The following NEMP2 variants were observed in gnomAD, a reference collection of about 807,000 sequenced individuals.
The protein encoded by NEMP2 is nuclear envelope integral membrane protein 2.
A neutral mutation model predicts 54.2 loss-of-function variants in NEMP2; 53 were observed. That is an observed-to-expected ratio of 0.98 (90% CI 0.78 to 1.23). The LOEUF (loss-of-function observed/expected upper bound fraction) is 1.23, where lower values mean the gene tolerates loss of function less well. NEMP2 is among the 50% of genes most tolerant of loss of function. NEMP2 has a pLI of 0.00. For missense variants in NEMP2, 455 were observed against 511.3 expected, an observed-to-expected ratio of 0.89 and a Z score of 1.06; for synonymous variants, 197 against 190.3, an observed-to-expected ratio of 1.04 and a Z score of -0.29.
chr2:190,514,315 AC>A lies in NEMP2; in HGVS notation c.953+137del, dbSNP rs1289735564. 2 of 832,950 alleles carry A rather than the reference AC, an allele frequency of 2.4e-6. No homozygotes were observed. The highest frequency in any genetic ancestry group is 3.4e-5 in the African/African-American group (2 of 58,850). The allele number at this position is 832,950 out of a possible 1,614,324, so 51.6% of individuals were successfully genotyped here. On this transcript the variant is annotated intron_variant, in intron 7 of 8. Transcript: ENST00000409150. This position sits in a 1 kb window ranked among gnomAD's most constrained non-coding sequence, Gnocchi z 5.7. ...GATGCTTGGAGCTCTCTACCCCTAC[AC>A]CCCCAATCTTGCTCAGAATGAAATC... is the stretch of plus-strand genomic sequence containing the variant.
the NEMP2 span, among the ~76,000 whole-genome samples, chr2:190,590,971 G>A: frequency 1.3e-5 from 2 of 152,154 alleles, no homozygotes; most frequent in Non-Finnish European, 2.9e-5. This position sits in a 1 kb window ranked among gnomAD's most constrained non-coding sequence, Gnocchi z 5.1. Context: ...GCACACAGCT[G>A]TACAGAATGA....
At chr2:190,648,224 C>G in the NEMP2 span, 1 of 152,256 alleles carries the variant, frequency 6.6e-6, no homozygotes, top group African/African-American at 2.4e-5. Context: ...AATTACCCGG[C>G]CAGCGCGACA....
chr2:190,491,840 A>AG, the NEMP2 span, among the ~76,000 whole-genome samples: 1 of 152,236 alleles, frequency 6.6e-6, no homozygotes, highest in Non-Finnish European at 1.5e-5. The surrounding 1 kb of genome is among the most constrained non-coding windows in gnomAD (Gnocchi z 4.2). Flanking sequence ...AGAATTCAGA[A>AG]GGTCCATTAT....
chr2:190,514,401 A>C lies in NEMP2; in HGVS notation c.953+52T>G, dbSNP rs2125312658. ...GTGTGCAAACACTCTCCCAAATAAT[A>C]AAACTAGAGCTCAAAATGTCAAATT... On this transcript the variant is annotated intron_variant, in intron 7 of 8. Coordinates refer to ENST00000409150, the MANE Select transcript of NEMP2 (RefSeq NM_001142645.2). This position sits in a 1 kb window ranked among gnomAD's most constrained non-coding sequence, Gnocchi z 5.7. The C allele has an allele frequency of 1.4e-6, 2 of 1,441,722 alleles. No homozygotes were observed. The highest frequency in any genetic ancestry group is 2.5e-5 in the South Asian group (2 of 81,036). The allele number at this position is 1,441,722 out of a possible 1,614,324, so 89.3% of individuals were successfully genotyped here. A position where few individuals can be genotyped will look rare whatever the true frequency, so the allele number is the denominator to read the frequency against.
the NEMP2 span, among the ~76,000 whole-genome samples, chr2:190,473,158 C>T: frequency 4.6e-5 from 7 of 152,144 alleles, no homozygotes; most frequent in Non-Finnish European, 8.8e-5. Flanking sequence ...ACCATCGAGG[C>T]TAGGAAGAAA....
chr2:190,631,498 T>C, the NEMP2 span, among the ~76,000 whole-genome samples: 1 of 152,238 alleles, frequency 6.6e-6, no homozygotes, highest in African/African-American at 2.4e-5. Context: ...ACTTTTATTT[T>C]GAATATGTAC....
the NEMP2 span, chr2:190,436,791 C>G: frequency 1.7e-5 from 27 of 1,614,062 alleles, no homozygotes; most frequent in Non-Finnish European, 2.3e-5. The surrounding 1 kb of genome is among the most constrained non-coding windows in gnomAD (Gnocchi z 5.3). Context: ...CCCCAGGAAG[C>G]GTAACCAAGG....
At chr2:190,556,998 A>C in the NEMP2 span, among the ~76,000 whole-genome samples, 2 of 152,240 alleles carry the variant, frequency 1.3e-5, no homozygotes, top group Non-Finnish European at 2.9e-5. Flanking sequence ...ATGGAACCAC[A>C]AAAGAGCCCA....
the NEMP2 span, among the ~76,000 whole-genome samples, chr2:190,433,936 A>AC: frequency 6.6e-6 from 1 of 152,196 alleles, no homozygotes; most frequent in Non-Finnish European, 1.5e-5. This position sits in a 1 kb window ranked among gnomAD's most constrained non-coding sequence, Gnocchi z 4.5. Context: ...CACGCCTGTA[A>AC]TCCCAGCACT....
chr2:190,585,423 T>C, the NEMP2 span, among the ~76,000 whole-genome samples: 1 of 152,196 alleles, frequency 6.6e-6, no homozygotes, highest in South Asian at 2.1e-4. The surrounding 1 kb of genome is among the most constrained non-coding windows in gnomAD (Gnocchi z 5.3). Context: ...TCTATGCAGA[T>C]AAGAAACAGC....
chr2:190,603,180 AG>A, the NEMP2 span, among the ~76,000 whole-genome samples: 1 of 152,102 alleles, frequency 6.6e-6, no homozygotes, highest in South Asian at 2.1e-4. Context: ...TTTTACACCA[AG>A]GGGTATGGAA....
At chr2:190,477,664 A>G in the NEMP2 span, among the ~76,000 whole-genome samples, 26 of 152,360 alleles carry the variant, frequency 1.7e-4, no homozygotes, top group East Asian at 4.2e-3. Context: ...ATGTAATAAA[A>G]TATATACATA....
chr2:190,551,710 C>T, the NEMP2 span, among the ~76,000 whole-genome samples: 1,740 of 152,226 alleles, frequency 0.011, 38 homozygotes, highest in African/African-American at 0.038. Context: ...GATTTCGCCT[C>T]AATACTTTTC....
the NEMP2 span, among the ~76,000 whole-genome samples, chr2:190,640,150 A>C: frequency 1.3e-5 from 2 of 152,190 alleles, no homozygotes; most frequent in African/African-American, 4.8e-5. Flanking sequence ...TATTAATTGA[A>C]TATATTCCAT....
At chr2:190,476,156 G>A in the NEMP2 span, among the ~76,000 whole-genome samples, 4 of 151,242 alleles carry the variant, frequency 2.6e-5, no homozygotes, top group African/African-American at 4.9e-5. Context: ...GCATGGGCAA[G>A]GACTTCATGT....
At position 190,534,682 on chromosome 2, in the gene NEMP2, C is replaced by T; in HGVS notation, c.-27G>A. The T allele has an allele frequency of 8.0e-7, 1 of 1,254,752 alleles. No homozygotes were observed. Among genetic ancestry groups the T allele is most frequent in the East Asian group, 3.2e-5 (1 of 31,684 alleles). The allele number at this position is 1,254,752 out of a possible 1,614,324, so 77.7% of individuals were successfully genotyped here. On this transcript the variant is annotated 5_prime_UTR_variant, in exon 1 of 9. Transcript: ENST00000409150. Reference sequence around the variant, plus strand: ...TCGTTAGGGGTCAGCTCCGTGCGACCCGAGCCCTAGGGGACCGGCTCCGCT... The same window carrying T: ...TCGTTAGGGGTCAGCTCCGTGCGACTCGAGCCCTAGGGGACCGGCTCCGCT...
chr2:190,429,503 T>G, the NEMP2 span, among the ~76,000 whole-genome samples: 3 of 152,076 alleles, frequency 2.0e-5, no homozygotes, highest in Non-Finnish European at 2.9e-5. Context: ...TTTTTGTATT[T>G]TTTTAGTAAA....
the NEMP2 span, chr2:190,444,865 A>G: frequency 1.3e-4 from 109 of 823,260 alleles, no homozygotes; most frequent in Non-Finnish European, 1.5e-4. Context: ...AATTCCAATT[A>G]TTTTATACAA....
the NEMP2 span, among the ~76,000 whole-genome samples, chr2:190,573,809 G>A: frequency 6.6e-6 from 1 of 152,158 alleles, no homozygotes; most frequent in South Asian, 2.1e-4. Context: ...TATTAGGTTG[G>A]TGCAAAAGTA....
Sources: gnomAD v4.1 joint callset for allele counts (sites outside exome capture counted in the v4.1 genomes callset) on GRCh38, gnomAD v4.1.1 for gene constraint, Gnocchi (gnomAD v3.1) non-coding constraint, MANE v1.5 for transcripts, NCBI Gene and HGNC (gene_info 2026-07-23, HGNC 2026-07-21) for gene names.